Variants in SORL1 observed in about 807,000 individuals in gnomAD.
SORL1 encodes the protein sortilin-related receptor.
A neutral mutation model predicts 273.7 loss-of-function variants in SORL1; 127 were observed. The ratio of observed to expected loss-of-function variants is 0.46; its 90% CI spans 0.40 to 0.54. SORL1 has a LOEUF of 0.54. Among genes scored for constraint, SORL1 ranks in the 20% least tolerant of loss-of-function variants. The pLI is 0.00. For missense variants in SORL1, 2,494 were observed against 2,846.1 expected (o/e 0.88, Z 2.81); for synonymous variants, 1,031 against 1,067.4 (o/e 0.97, Z 0.66).
At chr11:121,483,089 T>C (rs968557324) in intron 3 of SORL1, among the ~76,000 whole-genome samples, 3 of 152,206 alleles carry the variant, frequency 2.0e-5, no homozygotes, top group Non-Finnish European at 4.4e-5. Flanking sequence ...GTTATTTGCT[T>C]ACTTAATAAT....
chr11:121,522,574 T>G lies in SORL1; in HGVS notation c.1405-12T>G, dbSNP rs996962895. The G allele has an allele frequency of 6.2e-7, 1 of 1,601,800 alleles. No individual in the cohort carries two copies. On this transcript the variant is annotated splice_polypyrimidine_tract_variant and intron_variant, in intron 9 of 47. Coordinates refer to ENST00000260197, the MANE Select transcript of SORL1 (RefSeq NM_003105.6). ...TCATGTGCTGACACTGCCTGAAACT[T>G]TGGTTGTATAGCTTTCCCAGGGCTG...
rs1860883405 is a variant in SORL1 at position 121,455,227 on chromosome 11, C to G, written c.285+2611C>G. On this transcript the variant is annotated intron_variant, in intron 1 of 47. Transcript: ENST00000260197. ...GGATGGGAACCAGGAAACATGGTCACAAGAAACCAGCCACAACTCTACAAT... is the reference window on the plus strand; with the variant it reads ...GGATGGGAACCAGGAAACATGGTCAGAAGAAACCAGCCACAACTCTACAAT... 1.3e-5 allele frequency among the ~76,000 whole-genome samples: 2 copies of G among 152,224 alleles called. 1 individual carries two copies. The highest frequency in any genetic ancestry group is 4.1e-4 in the South Asian group (2 of 4,832).
At chr11:121,495,668 CT>C (rs1421958395) in intron 5 of SORL1, among the ~76,000 whole-genome samples, 1 of 152,090 alleles carries the variant, frequency 6.6e-6, no homozygotes, top group African/African-American at 2.4e-5. Context: ...CCTTGGTGTT[CT>C]TGAGAATGTT....
intron 43 of SORL1, 70 bp downstream of exon 43, chr11:121,619,987 G>A (rs1229218822): frequency 1.6e-5 from 21 of 1,274,230 alleles, no homozygotes; most frequent in Non-Finnish European, 2.3e-5. Context: ...GGATGGAAGG[G>A]GATCCTCTAA....
chr11:121,577,986 G>T (rs999334681), intron 25 of SORL1, among the ~76,000 whole-genome samples: 1 of 152,142 alleles, frequency 6.6e-6, no homozygotes, highest in African/African-American at 2.4e-5. Flanking sequence ...GCAGACTGGG[G>T]GTGATAGGCA....
At chr11:121,610,934 T>C in intron 38 of SORL1, 142 bp from the exon 39 acceptor site, 1 of 601,012 alleles carries the variant, frequency 1.7e-6, no homozygotes, top group Non-Finnish European at 3.0e-6. Flanking sequence ...TAAAAAAAGA[T>C]CGATGAGGAA....
chr11:121,504,732 T>C lies in SORL1; in HGVS notation c.939+7683T>C, dbSNP rs144807723. 4.8e-3 allele frequency among the ~76,000 whole-genome samples: 734 copies of C among 152,294 alleles called. 5 individuals carry two copies. The highest frequency in any genetic ancestry group is 0.017 in the African/African-American group (704 of 41,556). ...TTGGGTAGAACCTCTAGTAAAATGT[T>C]GACTAGGAGTGGAGAGAGTAGGCAT... On this transcript the variant is annotated intron_variant, in intron 6 of 47. Transcript: ENST00000260197.
intron 12 of SORL1, 120 bp from the exon 13 acceptor site, chr11:121,543,428 C>T: frequency 2.6e-6 from 2 of 756,012 alleles, no homozygotes; most frequent in Non-Finnish European, 4.4e-6. Flanking sequence ...CTGCCTTAGC[C>T]CAGGATCAGC....
chr11:121,518,530 A>G (rs1360390118), intron 8 of SORL1, among the ~76,000 whole-genome samples: 2 of 152,218 alleles, frequency 1.3e-5, no homozygotes, highest in Non-Finnish European at 2.9e-5. Flanking sequence ...GATATCTAGA[A>G]GAAGCCCATA....
At chr11:121,570,422 T>TA in intron 23 of SORL1, 152 bp downstream of exon 23, 1 of 522,140 alleles carries the variant, frequency 1.9e-6, no homozygotes, top group Non-Finnish European at 3.5e-6. Context: ...AGAGAAAACA[T>TA]ATTTCCATAC....
At chr11:121,607,473 C>T (rs1334440561) in intron 37 of SORL1, among the ~76,000 whole-genome samples, 183 bp downstream of exon 37, 1 of 152,236 alleles carries the variant, frequency 6.6e-6, no homozygotes, top group East Asian at 1.9e-4. Context: ...ATGGACACCA[C>T]AAAGAGCTTG....
At chr11:121,519,167 C>T (rs1391554802) in intron 8 of SORL1, among the ~76,000 whole-genome samples, 7 of 151,976 alleles carry the variant, frequency 4.6e-5, no homozygotes, top group Admixed American at 6.6e-5. Context: ...AGGATGGTCT[C>T]GATCTCTTGA....
chr11:121,533,192 A>G (rs916341084), intron 12 of SORL1, among the ~76,000 whole-genome samples: 2 of 152,168 alleles, frequency 1.3e-5, no homozygotes, highest in South Asian at 2.1e-4. Context: ...ATCAGTAACA[A>G]TTACAGAATG....
chr11:121,543,326 C>T (rs79187659), intron 12 of SORL1, among the ~76,000 whole-genome samples: 3,711 of 152,088 alleles, frequency 0.024, 77 homozygotes, highest in East Asian at 0.085. Flanking sequence ...TTTGAATTCT[C>T]CTAAATTCGG....
At position 121,452,451 on chromosome 11, in the gene SORL1, G is replaced by T. The variant is rs1020547238; in HGVS notation, c.120G>T (p.Ala40=). 7 of 1,509,114 alleles carry T rather than the reference G, an allele frequency of 4.6e-6. No individual in the cohort carries two copies. Among genetic ancestry groups the T allele is most frequent in the Non-Finnish European group, 6.2e-6 (7 of 1,130,480 alleles). The allele number at this position is 1,509,114 out of a possible 1,614,324, so 93.5% of individuals were successfully genotyped here. Residue 40 remains alanine (A), a synonymous_variant, in exon 1 of 48, where the codon GCG becomes GCT. Coordinates refer to ENST00000260197, the MANE Select transcript of SORL1 (RefSeq NM_003105.6). This position sits in a 1 kb window ranked among gnomAD's most constrained non-coding sequence, Gnocchi z 5.3. ...VWTQRLHGGS[A]PLPQDRGFLV... ...CGCAGAGGCTGCACGGCGGCAGCGC[G>T]CCCTTGCCCCAGGACCGGGGCTTCC...
chr11:121,561,346 G>A (rs771328137), intron 21 of SORL1, among the ~76,000 whole-genome samples: 1 of 152,208 alleles, frequency 6.6e-6, no homozygotes, highest in Non-Finnish European at 1.5e-5. Context: ...AGTGCGGGAG[G>A]AGAGAGTTTG....
chr11:121,488,360 T>A (rs1050368780), intron 4 of SORL1, among the ~76,000 whole-genome samples, 167 bp downstream of exon 4: 4 of 152,032 alleles, frequency 2.6e-5, no homozygotes, highest in African/African-American at 9.7e-5. Flanking sequence ...AAGAAAAATA[T>A]CTCCTCCTGG....
intron 3 of SORL1, among the ~76,000 whole-genome samples, chr11:121,481,143 T>C (rs1861376697): frequency 7.7e-6 from 1 of 129,186 alleles, no homozygotes; most frequent in Non-Finnish European, 1.6e-5. Flanking sequence ...CATCTCTTCT[T>C]CCCCAGCTTC....
At chr11:121,547,900 T>C (rs2134893298) in intron 14 of SORL1, among the ~76,000 whole-genome samples, 1 of 152,294 alleles carries the variant, frequency 6.6e-6, no homozygotes, top group Middle Eastern at 3.4e-3. Flanking sequence ...CAGGTACTGG[T>C]TGACAACTGT....
Sources: gnomAD v4.1 joint callset for allele counts (sites outside exome capture counted in the v4.1 genomes callset) on GRCh38, gnomAD v4.1.1 for gene constraint, Gnocchi (gnomAD v3.1) non-coding constraint, MANE v1.5 for transcripts, NCBI Gene and HGNC (gene_info 2026-07-23, HGNC 2026-07-21) for gene names.